Variants in UNC79 observed in about 807,000 individuals in gnomAD.
UNC79 encodes the protein unc-79 subunit of NALCN channel complex.
A neutral mutation model predicts 283.1 loss-of-function variants in UNC79; 37 were observed. That is an observed-to-expected ratio of 0.13 (90% CI 0.10 to 0.17). The LOEUF (loss-of-function observed/expected upper bound fraction) is 0.17. UNC79 is among the 10% of genes least tolerant of loss of function. The probability of loss-of-function intolerance (pLI) is 1.00; values close to 1 mark genes in which losing one functional copy is unlikely to be tolerated. For synonymous variants in UNC79, 1,107 were observed against 1,200.2 expected (o/e 0.92, Z 1.61); for missense variants, 2,272 against 3,211.1 (o/e 0.71, Z 7.07).
Position 93,497,228 on chromosome 14 carries a change from C to G in UNC79, c.840C>G (p.Tyr280Ter). ...CAGCTGTGCAAATGCTTTTCCACTA[C>G]TGGCCCAATTTAAAACCTCCTGGGG... The change falls in exon 7 of 49, where the codon TAC (tyrosine) becomes TAG (stop). Residue 280 changes from tyrosine (Y) to a stop codon, truncating the protein, a stop_gained. Transcript: ENST00000555664. LOFTEE classifies it high-confidence loss of function. 6.2e-7 allele frequency: 1 copy of G among 1,613,676 alleles called. No homozygotes were observed. The highest frequency in any genetic ancestry group is 8.5e-7 in the Non-Finnish European group (1 of 1,180,028).
rs142490178 is a variant in UNC79, at chr14:93,580,989, A to G, written c.2661+613A>G. Among the ~76,000 whole-genome samples the G allele has an allele frequency of 5.6e-3, 845 of 152,032 alleles. 5 individuals carry two copies. The highest frequency in any genetic ancestry group is 9.2e-3 in the Non-Finnish European group (625 of 67,976). On this transcript the variant is annotated intron_variant, in intron 19 of 48. Transcript: ENST00000555664. ...CTCCCAAAGTGCTGGGATTACAGGC[A>G]TGAGCCACCATGCCTGGCCAAATGT...
Position 93,474,209 on chromosome 14 carries a change from T to C in UNC79, c.264T>C (p.Ser88=), listed in dbSNP as rs1455655893. The C allele has an allele frequency of 6.5e-7, 1 of 1,536,094 alleles. No individual in the cohort carries two copies. The highest frequency in any genetic ancestry group is 1.2e-5 in the South Asian group (1 of 84,064). ...CCCCATCTCTAAGACCGCAGGTCAG[T>C]TCCATCAACCCTACTGTTACTCGCT... The change falls in exon 3 of 49, where the codon AGT becomes AGC. Residue 88 remains serine, a synonymous_variant. Transcript: ENST00000555664. The surrounding 1 kb of genome is among the most constrained non-coding windows in gnomAD (Gnocchi z 4.1).
chr14:93,538,812 A>G (rs1473763333), intron 12 of UNC79, among the ~76,000 whole-genome samples: 1 of 151,380 alleles, frequency 6.6e-6, no homozygotes, highest in Non-Finnish European at 1.5e-5. Flanking sequence ...ACCAAAAAAA[A>G]AAAAAAAAAA....
intron 18 of UNC79, among the ~76,000 whole-genome samples, chr14:93,578,273 A>G (rs2063582824): frequency 6.6e-6 from 1 of 152,206 alleles, no homozygotes; most frequent in African/African-American, 2.4e-5. Flanking sequence ...ATGAGAATGG[A>G]TTGAATTTTA....
intron 7 of UNC79, among the ~76,000 whole-genome samples, chr14:93,519,963 T>C (rs1470957814): frequency 6.6e-6 from 1 of 151,930 alleles, no homozygotes; most frequent in East Asian, 1.9e-4. Context: ...AAAAGCCTTC[T>C]GTAGTTATTC....
At chr14:93,367,237 G>A (rs2054354928) in intron 1 of UNC79, among the ~76,000 whole-genome samples, 1 of 152,166 alleles carries the variant, frequency 6.6e-6, no homozygotes, top group African/African-American at 2.4e-5. Flanking sequence ...GAAGAAATGG[G>A]TACAGGAAAT....
intron 14 of UNC79, among the ~76,000 whole-genome samples, chr14:93,566,782 C>CG (rs2062915015): frequency 3.3e-5 from 5 of 151,680 alleles, no homozygotes; most frequent in Non-Finnish European, 7.4e-5. Context: ...CGACTACAGG[C>CG]ACACACCACC....
At chr14:93,540,312 A>C (rs1217063870) in intron 12 of UNC79, among the ~76,000 whole-genome samples, 1 of 152,218 alleles carries the variant, frequency 6.6e-6, no homozygotes, top group Non-Finnish European at 1.5e-5. Flanking sequence ...GCACAGTTTC[A>C]TGATAGATAT....
intron 1 of UNC79, among the ~76,000 whole-genome samples, chr14:93,355,409 G>A (rs568201202): frequency 6.6e-6 from 1 of 152,318 alleles, no homozygotes; most frequent in African/African-American, 2.4e-5. Flanking sequence ...ATATTGGCCA[G>A]GCTGGTCTCG....
intron 1 of UNC79, among the ~76,000 whole-genome samples, chr14:93,451,633 G>C (rs1403952240): frequency 6.6e-6 from 1 of 152,174 alleles, no homozygotes; most frequent in Non-Finnish European, 1.5e-5. Context: ...CATGTGAAGT[G>C]GGGGAGAAAA....
At chr14:93,559,605 A>G (rs894090714) in intron 14 of UNC79, among the ~76,000 whole-genome samples, 12 of 152,090 alleles carry the variant, frequency 7.9e-5, no homozygotes, top group African/African-American at 2.4e-4. Context: ...AAGGTGCTCA[A>G]TGGGGGAGCT....
intron 1 of UNC79, chr14:93,334,785 G>C (rs1443698972): frequency 1.3e-5 from 2 of 152,236 alleles, no homozygotes; most frequent in African/African-American, 4.8e-5. Context: ...GCAGACTTGA[G>C]TATGCTTGGA....
intron 1 of UNC79, among the ~76,000 whole-genome samples, chr14:93,415,295 G>C (rs1393890261): frequency 3.3e-5 from 5 of 152,054 alleles, no homozygotes; most frequent in Non-Finnish European, 7.4e-5. Flanking sequence ...TTTTGTCTTT[G>C]GTTCTGTTTA....
At chr14:93,596,764 GC>G (rs2065114583) in intron 23 of UNC79, among the ~76,000 whole-genome samples, 1 of 152,190 alleles carries the variant, frequency 6.6e-6, no homozygotes, top group African/African-American at 2.4e-5. Context: ...TTTTTATAAA[GC>G]CATGCTTTAA....
Position 93,547,614 on chromosome 14 carries a change from A to G in UNC79, c.1755+4918A>G, listed in dbSNP as rs978557369. On this transcript the variant is annotated intron_variant, in intron 14 of 48. Coordinates refer to ENST00000555664, the Ensembl canonical transcript of UNC79. ...TATAGGGAGCAACACAATTGTAAGA[A>G]ACAAAAAGAGAAACAAAACTTAGCT... Among the ~76,000 whole-genome samples the G allele has an allele frequency of 5.9e-5, 9 of 152,344 alleles. No homozygotes were observed. In the East Asian group the frequency reaches 7.7e-4, roughly 13 times the overall value.
At chr14:93,568,570 C>T (rs1474632532) in intron 14 of UNC79, among the ~76,000 whole-genome samples, 1 of 151,960 alleles carries the variant, frequency 6.6e-6, no homozygotes, top group Non-Finnish European at 1.5e-5. Context: ...GCTTGGGAGG[C>T]TGAGGCAGGA....
chr14:93,630,804 C>A, exon 31 of UNC79: 1 of 1,613,272 alleles, frequency 6.2e-7, no homozygotes, highest in South Asian at 1.1e-5. Flanking sequence ...TTTGTAGATC[C>A]TTCTACTAAA....
chr14:93,590,932 T>C (rs1462523259), intron 22 of UNC79, among the ~76,000 whole-genome samples: 1 of 152,240 alleles, frequency 6.6e-6, no homozygotes, highest in Admixed American at 6.5e-5. Context: ...ATCATCGTCC[T>C]TGTAATCATG....
At chr14:93,505,152 T>C (rs1010670482) in intron 7 of UNC79, among the ~76,000 whole-genome samples, 21 of 152,252 alleles carry the variant, frequency 1.4e-4, no homozygotes, top group African/African-American at 4.6e-4. Flanking sequence ...TGCAGTGTTC[T>C]ACATGTGTCA....
Sources: gnomAD v4.1 joint callset for allele counts (sites outside exome capture counted in the v4.1 genomes callset) on GRCh38, gnomAD v4.1.1 for gene constraint, Gnocchi (gnomAD v3.1) non-coding constraint, MANE v1.5 for transcripts, NCBI Gene and HGNC (gene_info 2026-07-23, HGNC 2026-07-21) for gene names.